The following SMYD3 variants were observed in gnomAD, a reference collection of about 807,000 sequenced individuals.
SMYD3 encodes the protein histone-lysine N-methyltransferase SMYD3.
A neutral mutation model predicts 57.7 loss-of-function variants in SMYD3; 36 were observed. That is an observed-to-expected ratio of 0.62 (90% CI 0.48 to 0.82). The LOEUF is 0.82. Ranked by LOEUF, SMYD3 falls within the 40% of genes least tolerant of loss-of-function variation. The pLI, the probability that SMYD3 is intolerant of heterozygous loss-of-function variation, is 0.00. For synonymous variants in SMYD3, 211 were observed against 195.0 expected (o/e 1.08, Z -0.68); for missense variants, 515 against 538.8 (o/e 0.96, Z 0.44).
chr1:245,786,220 G>GGA (rs1472999253), intron 10 of SMYD3, among the ~76,000 whole-genome samples: 1 of 146,540 alleles, frequency 6.8e-6, no homozygotes, highest in South Asian at 2.2e-4. Flanking sequence ...GGACGGGGGG[G>GGA]GGATGGTGGC....
At chr1:245,936,689 G>A (rs967296515) in intron 5 of SMYD3, among the ~76,000 whole-genome samples, 11 of 152,176 alleles carry the variant, frequency 7.2e-5, no homozygotes, top group Non-Finnish European at 1.5e-4. Context: ...GAGCCCAGAA[G>A]TTTGAGACCA....
chr1:245,909,080 GAAAA>G (rs1210861674), intron 8 of SMYD3, among the ~76,000 whole-genome samples: 1 of 151,958 alleles, frequency 6.6e-6, no homozygotes, highest in African/African-American at 2.4e-5. Flanking sequence ...GACTAAGAAA[GAAAA>G]AGACTCAAAT....
chr1:246,446,866 A>G, intron 1 of SMYD3, among the ~76,000 whole-genome samples: 1 of 152,206 alleles, frequency 6.6e-6, no homozygotes, highest in South Asian at 2.1e-4. Flanking sequence ...CGTCTCTACT[A>G]AAGATACAAA....
chr1:246,269,543 C>CTTTTTTTTTTTTTTTTTTTTTTTTTTTT (rs570972296), intron 5 of SMYD3, among the ~76,000 whole-genome samples: 14 of 135,222 alleles, frequency 1.0e-4, no homozygotes, highest in Non-Finnish European at 1.9e-4. Context: ...CTTTTTTTTT[C>CTTTTTTTTTTTTTTTTTTTTTTTTTTTT]TTTTTTTTTT....
In SMYD3 at chr1:245,749,675, A is replaced by G. The variant is rs755896438; in HGVS notation, c.1186-11T>C. The G allele has an allele frequency of 1.2e-6, 2 of 1,609,420 alleles. No individual in the cohort carries two copies. The highest frequency in any genetic ancestry group is 4.5e-5 in the East Asian group (2 of 44,876). ...CATAATATCAAAAGCCTAAAGAGAA[A>G]GGACGGAAGAGAGATTAGACCCCAA... On this transcript the variant is annotated splice_polypyrimidine_tract_variant and intron_variant, in intron 11 of 11. Transcript: ENST00000490107.
chr1:246,096,565 TCTC>T (rs2060918647), intron 5 of SMYD3: 1 of 152,206 alleles, frequency 6.6e-6, no homozygotes, highest in Admixed American at 6.5e-5. Flanking sequence ...CACCTGGCAA[TCTC>T]AGTCCATTGT....
intron 9 of SMYD3, among the ~76,000 whole-genome samples, chr1:245,860,954 C>A (rs1163948628): frequency 6.6e-6 from 1 of 152,210 alleles, no homozygotes; most frequent in African/African-American, 2.4e-5. Flanking sequence ...TATGTTCCCA[C>A]TTATTCTAAA....
chr1:246,170,726 C>T (rs1445417753), intron 5 of SMYD3, among the ~76,000 whole-genome samples: 1 of 152,104 alleles, frequency 6.6e-6, no homozygotes. Flanking sequence ...CAAATGAACA[C>T]TAAAAAATTA....
chr1:245,916,418 G>A (rs556768427), intron 7 of SMYD3, among the ~76,000 whole-genome samples: 28 of 152,254 alleles, frequency 1.8e-4, no homozygotes, highest in Non-Finnish European at 3.8e-4. Context: ...GATCTCTTAT[G>A]AAAGTCTAAT....
intron 5 of SMYD3, among the ~76,000 whole-genome samples, chr1:246,020,217 A>G (rs2059448027): frequency 6.6e-6 from 1 of 152,246 alleles, no homozygotes; most frequent in Non-Finnish European, 1.5e-5. Context: ...AGAGGCTAAC[A>G]GGCAAGCAAA....
intron 5 of SMYD3, among the ~76,000 whole-genome samples, chr1:246,061,206 G>C (rs2060246918): frequency 1.3e-5 from 2 of 152,176 alleles, no homozygotes; most frequent in African/African-American, 4.8e-5. Context: ...CTGGGTGACA[G>C]AGCAAGACTC....
chr1:246,002,250 T>C (rs548190443), intron 5 of SMYD3, among the ~76,000 whole-genome samples: 7 of 142,010 alleles, frequency 4.9e-5, no homozygotes, highest in Non-Finnish European at 7.8e-5. Context: ...TGTGGCGCGA[T>C]CTCGGCTCAC....
chr1:246,469,985 A>T (rs1234146433), intron 1 of SMYD3, among the ~76,000 whole-genome samples: 1 of 152,228 alleles, frequency 6.6e-6, no homozygotes, highest in African/African-American at 2.4e-5. Context: ...CACATACACT[A>T]CATAAATACT....
At chr1:245,821,739 C>T (rs1457374139) in intron 10 of SMYD3, among the ~76,000 whole-genome samples, 3 of 151,476 alleles carry the variant, frequency 2.0e-5, no homozygotes, top group Admixed American at 6.6e-5. Flanking sequence ...GGGCAAAGGA[C>T]ATGAACAGAC....
chr1:246,233,910 G>A lies in SMYD3; in HGVS notation c.531+93291C>T, dbSNP rs12749855. 5.9e-4 allele frequency among the ~76,000 whole-genome samples: 53 copies of A among 90,056 alleles called. 1 individual carries two copies. Among genetic ancestry groups the A allele is most frequent in the East Asian group, 1.2e-3 (2 of 1,644 alleles). The allele number at this position is 90,056 out of a possible 152,430, so 59.1% of individuals were successfully genotyped here. On this transcript the variant is annotated intron_variant, in intron 5 of 11. Transcript: ENST00000490107. ...TCACACTGTGATGAACATATACCACGCAGAGGAGAAACGCTCCTTCAATTC... is the reference window on the plus strand; with the variant it reads ...TCACACTGTGATGAACATATACCACACAGAGGAGAAACGCTCCTTCAATTC...
chr1:246,119,885 T>C (rs1452722787), intron 5 of SMYD3, among the ~76,000 whole-genome samples: 1 of 152,224 alleles, frequency 6.6e-6, no homozygotes, highest in Non-Finnish European at 1.5e-5. Flanking sequence ...CATCAGTTCG[T>C]GGCTGAGATC....
intron 1 of SMYD3, among the ~76,000 whole-genome samples, chr1:246,480,296 A>C (rs984183654): frequency 6.6e-6 from 1 of 152,168 alleles, no homozygotes; most frequent in Non-Finnish European, 1.5e-5. Flanking sequence ...CAACACACCC[A>C]GGCTCTTTCA....
intron 10 of SMYD3, among the ~76,000 whole-genome samples, chr1:245,827,891 C>A (rs1388698873): frequency 6.6e-6 from 1 of 152,182 alleles, no homozygotes; most frequent in Non-Finnish European, 1.5e-5. Flanking sequence ...TCTAATCTGT[C>A]CTCTCCTGCT....
At chr1:246,108,490 G>A (rs2061170985) in intron 5 of SMYD3, 1 of 152,184 alleles carries the variant, frequency 6.6e-6, no homozygotes, top group South Asian at 2.1e-4. Flanking sequence ...GCTTTACTGA[G>A]TTCCGGGTGG....
Sources: gnomAD v4.1 joint callset for allele counts (sites outside exome capture counted in the v4.1 genomes callset) on GRCh38, gnomAD v4.1.1 for gene constraint, MANE v1.5 for transcripts, NCBI Gene and HGNC (gene_info 2026-07-23, HGNC 2026-07-21) for gene names.